The following DGKB variants were observed in gnomAD, a reference collection of about 807,000 sequenced individuals.
DGKB encodes 90 kDa diacylglycerol kinase.
In DGKB, 67 loss-of-function variants were observed where a neutral mutation model predicts 114.3. The observed-to-expected ratio is 0.59, with a 90% CI of 0.48 to 0.72. The LOEUF (loss-of-function observed/expected upper bound fraction) is 0.72, where lower values mean the gene tolerates loss of function less well. DGKB is among the 30% of genes least tolerant of loss of function. The probability of loss-of-function intolerance (pLI) is 0.00; values close to 1 mark genes in which losing one functional copy is unlikely to be tolerated. For synonymous variants in DGKB, 398 were observed against 323.1 expected, an observed-to-expected ratio of 1.23 and a Z score of -2.49; for missense variants, 907 against 975.2, an observed-to-expected ratio of 0.93 and a Z score of 0.93.
intron 20 of DGKB, among the ~76,000 whole-genome samples, chr7:14,522,978 C>G (rs1790029105): frequency 6.6e-6 from 1 of 152,072 alleles, no homozygotes; most frequent in Non-Finnish European, 1.5e-5. Context: ...AATGTAAACC[C>G]AACTTTTTGA....
chr7:14,187,670 C>A lies in DGKB; in HGVS notation c.2123-9519G>T, dbSNP rs1783652123. Reference sequence around the variant, plus strand: ...AGTCGACCTAGAGCTAAAGCCAATGCACCACATTTAACACTAGGACTTGTT... The same window carrying A: ...AGTCGACCTAGAGCTAAAGCCAATGAACCACATTTAACACTAGGACTTGTT... On this transcript the variant is annotated intron_variant, in intron 23 of 25. Coordinates refer to ENST00000402815, the MANE Select transcript of DGKB (RefSeq NM_001350709.2). 2.0e-5 allele frequency among the ~76,000 whole-genome samples: 3 copies of A among 152,154 alleles called. No individual in the cohort carries two copies. The South Asian group carries it at 6.2e-4, about 32-fold the overall frequency.
chr7:14,801,913 CAT>C (rs1370678733), intron 2 of DGKB, among the ~76,000 whole-genome samples: 1 of 127,086 alleles, frequency 7.9e-6, no homozygotes, highest in African/African-American at 4.0e-5. Context: ...CATATACACA[CAT>C]ATATACATAT....
At chr7:14,636,958 A>G (rs1348689575) in intron 13 of DGKB, among the ~76,000 whole-genome samples, 1 of 151,936 alleles carries the variant, frequency 6.6e-6, no homozygotes, top group Non-Finnish European at 1.5e-5. Flanking sequence ...AAGAGAATAA[A>G]TAATACATCA....
intron 20 of DGKB, among the ~76,000 whole-genome samples, chr7:14,511,584 T>G (rs1787986326): frequency 6.6e-6 from 1 of 152,222 alleles, no homozygotes; most frequent in Non-Finnish European, 1.5e-5. Flanking sequence ...TTTCACTTCA[T>G]AGTTCATGGG....
intron 14 of DGKB, among the ~76,000 whole-genome samples, chr7:14,628,304 G>GT (rs1420313495): frequency 9.9e-6 from 1 of 101,014 alleles, no homozygotes; most frequent in African/African-American, 3.4e-5. Flanking sequence ...AATAACACAA[G>GT]TTATGTGTGT....
intron 21 of DGKB, among the ~76,000 whole-genome samples, chr7:14,472,530 T>A (rs1781572231): frequency 6.6e-6 from 1 of 152,140 alleles, no homozygotes; most frequent in African/African-American, 2.4e-5. Flanking sequence ...ACTAATGCAA[T>A]AAATTGGTAC....
intron 21 of DGKB, among the ~76,000 whole-genome samples, chr7:14,446,196 C>T (rs779922626): frequency 1.5e-4 from 23 of 151,984 alleles, no homozygotes; most frequent in Non-Finnish European, 2.6e-4. Flanking sequence ...AAAATCCGGG[C>T]GATAGTAGAC....
chr7:14,699,963 C>A (rs1253612216), intron 7 of DGKB, among the ~76,000 whole-genome samples: 2 of 151,156 alleles, frequency 1.3e-5, no homozygotes, highest in African/African-American at 4.9e-5. Flanking sequence ...TGGCTAAAGC[C>A]TAGTAAAGAA....
intron 20 of DGKB, among the ~76,000 whole-genome samples, chr7:14,549,096 G>A (rs1450157172): frequency 1.3e-5 from 2 of 152,130 alleles, no homozygotes; most frequent in African/African-American, 4.8e-5. Flanking sequence ...TCTCTTGAAA[G>A]TGACATAAAA....
At chr7:14,345,738 T>G (rs1287544001) in intron 21 of DGKB, among the ~76,000 whole-genome samples, 1 of 151,694 alleles carries the variant, frequency 6.6e-6, no homozygotes, top group Non-Finnish European at 1.5e-5. Flanking sequence ...TGATACAGCA[T>G]AAAGTTTTTT....
At chr7:14,179,286 G>A (rs901695684) in intron 23 of DGKB, among the ~76,000 whole-genome samples, 1 of 152,172 alleles carries the variant, frequency 6.6e-6, no homozygotes, top group Admixed American at 6.5e-5. Flanking sequence ...ATTTAACTCA[G>A]AGTGCTGAGA....
intron 21 of DGKB, among the ~76,000 whole-genome samples, chr7:14,472,034 G>C (rs951902541): frequency 6.6e-6 from 1 of 152,136 alleles, no homozygotes; most frequent in African/African-American, 2.4e-5. Flanking sequence ...TATTGTGATC[G>C]CTGGCCATAA....
rs200509515 is a variant in DGKB, at chr7:14,819,810, C to CA, written c.70+21383dup. 1.6e-3 allele frequency among the ~76,000 whole-genome samples: 237 copies of CA among 150,602 alleles called. 1 individual carries two copies. Among genetic ancestry groups the CA allele is most frequent in the African/African-American group, 5.0e-3 (207 of 41,038 alleles). Reference sequence around the variant, plus strand: ...ATCTATACCATATATCTTTAAGAGTCAAAAAAAAGTATATGAAGTAAACAC... The same window carrying CA: ...ATCTATACCATATATCTTTAAGAGTCAAAAAAAAAGTATATGAAGTAAACAC... On this transcript the variant is annotated intron_variant, in intron 2 of 25. Coordinates refer to ENST00000402815, the MANE Select transcript of DGKB (RefSeq NM_001350709.2).
intron 21 of DGKB, among the ~76,000 whole-genome samples, chr7:14,446,643 G>A (rs1325441649): frequency 6.6e-6 from 1 of 152,048 alleles, no homozygotes; most frequent in Non-Finnish European, 1.5e-5. Context: ...CTTTCTCTAA[G>A]TTTTCCTCTT....
chr7:14,616,820 T>C (rs913442288), intron 15 of DGKB, among the ~76,000 whole-genome samples: 1 of 151,686 alleles, frequency 6.6e-6, no homozygotes, highest in African/African-American at 2.4e-5. Context: ...AGTAATACGG[T>C]TTCACACACA....
At chr7:14,898,288 G>T (rs1782430658) in intron 1 of DGKB, among the ~76,000 whole-genome samples, 2 of 152,040 alleles carry the variant, frequency 1.3e-5, no homozygotes, top group African/African-American at 2.4e-5. Context: ...TGTGCGAACT[G>T]TGGAGGGTTA....
At chr7:14,363,882 T>C (rs1338526547) in intron 21 of DGKB, among the ~76,000 whole-genome samples, 1 of 152,028 alleles carries the variant, frequency 6.6e-6, no homozygotes, top group Non-Finnish European at 1.5e-5. Context: ...AATCTAATAA[T>C]GAAAATGAAT....
chr7:14,482,316 T>C (rs1264611999), intron 20 of DGKB, among the ~76,000 whole-genome samples: 1 of 151,880 alleles, frequency 6.6e-6, no homozygotes, highest in African/African-American at 2.4e-5. Flanking sequence ...TTTATTGAGA[T>C]GGTTAATTAA....
At chr7:14,857,210 CT>C (rs1288963300) in intron 1 of DGKB, among the ~76,000 whole-genome samples, 2 of 147,118 alleles carry the variant, frequency 1.4e-5, no homozygotes, top group East Asian at 4.0e-4. Context: ...CTCTCTGTCT[CT>C]CTCTCTCTCT....
Sources: allele counts gnomAD v4.1 joint callset (sites outside exome capture counted in the v4.1 genomes callset), GRCh38; gene constraint gnomAD v4.1.1; transcripts MANE v1.5; gene names NCBI Gene and HGNC (gene_info 2026-07-23, HGNC 2026-07-21).